Variants in ITPR1 observed in about 807,000 individuals in gnomAD.
The protein encoded by ITPR1 is inositol 1,4,5-trisphosphate receptor type 1.
In ITPR1, 96 loss-of-function variants were observed where a neutral mutation model predicts 318.4. That is an observed-to-expected ratio of 0.30 (90% confidence interval 0.26 to 0.36). ITPR1 has a LOEUF of 0.36. ITPR1 is among the 10% of genes least tolerant of loss of function. The pLI is 1.00. For missense variants in ITPR1, 2,440 were observed against 3,460.2 expected, an observed-to-expected ratio of 0.71 and a Z score of 7.40; for synonymous variants, 1,312 against 1,289.9, an observed-to-expected ratio of 1.02 and a Z score of -0.37.
intron 61 of ITPR1, among the ~76,000 whole-genome samples, chr3:4,841,999 C>A (rs117114678): frequency 6.6e-6 from 1 of 152,184 alleles, no homozygotes; most frequent in African/African-American, 2.4e-5. Flanking sequence ...GTAACCAAGA[C>A]CTTCCTGTAA....
intron 17 of ITPR1, among the ~76,000 whole-genome samples, chr3:4,666,395 T>G (rs1373051718): frequency 6.6e-6 from 1 of 152,218 alleles, no homozygotes; most frequent in South Asian, 2.1e-4. Flanking sequence ...AGAGATTTTA[T>G]TCTGTTCCTC....
At chr3:4,787,000 G>A (rs1470591044) in intron 51 of ITPR1, among the ~76,000 whole-genome samples, 1 of 152,144 alleles carries the variant, frequency 6.6e-6, no homozygotes, top group Non-Finnish European at 1.5e-5. Context: ...TCTCCAACAT[G>A]ATAGTCACTA....
intron 4 of ITPR1, among the ~76,000 whole-genome samples, chr3:4,570,073 C>T (rs1011274115): frequency 6.6e-6 from 1 of 152,056 alleles, no homozygotes; most frequent in Non-Finnish European, 1.5e-5. Flanking sequence ...TACACTCATA[C>T]TTTGAGGCTT....
At chr3:4,676,491 T>G in intron 23 of ITPR1, 123 bp from the exon 24 acceptor site, 1 of 693,366 alleles carries the variant, frequency 1.4e-6, no homozygotes, top group Non-Finnish European at 2.4e-6. Flanking sequence ...TCCAGGGTCC[T>G]GAGATTATGT....
intron 31 of ITPR1, among the ~76,000 whole-genome samples, chr3:4,689,841 G>C (rs758830255): frequency 6.6e-6 from 1 of 152,190 alleles, no homozygotes; most frequent in East Asian, 1.9e-4. Flanking sequence ...AAGAACTTCT[G>C]TTTGTCCGCT....
At chr3:4,780,428 G>T (rs185133692) in intron 49 of ITPR1, among the ~76,000 whole-genome samples, 2 of 152,276 alleles carry the variant, frequency 1.3e-5, no homozygotes, top group Non-Finnish European at 2.9e-5. Flanking sequence ...AGGGGTGATA[G>T]TCACAATTGG....
intron 6 of ITPR1, among the ~76,000 whole-genome samples, chr3:4,640,318 A>G (rs1353777625): frequency 6.6e-6 from 1 of 152,246 alleles, no homozygotes; most frequent in Non-Finnish European, 1.5e-5. Flanking sequence ...AAAGATTAGT[A>G]AAAGCAACCT....
intron 52 of ITPR1, among the ~76,000 whole-genome samples, chr3:4,793,483 G>T (rs924807539): frequency 3.9e-5 from 6 of 152,168 alleles, no homozygotes; most frequent in Admixed American, 1.3e-4. Flanking sequence ...CATCTCTTCT[G>T]TCCTCTTCTG....
intron 4 of ITPR1, among the ~76,000 whole-genome samples, chr3:4,572,312 C>T (rs184610091): frequency 7.8e-4 from 119 of 152,284 alleles, no homozygotes; most frequent in Non-Finnish European, 1.3e-3. Flanking sequence ...TTTGCCTCTC[C>T]CAGTCTTTTC....
intron 4 of ITPR1, among the ~76,000 whole-genome samples, chr3:4,548,102 G>C (rs761387202): frequency 2.0e-5 from 3 of 152,108 alleles, no homozygotes; most frequent in African/African-American, 7.2e-5. Flanking sequence ...GCTCAGCCCA[G>C]GTTTGTTTTT....
intron 25 of ITPR1, 100 bp from the exon 26 acceptor site, chr3:4,681,264 T>G: frequency 1.3e-6 from 1 of 784,152 alleles, no homozygotes; most frequent in African/African-American, 1.7e-5. Context: ...AGATTTGGGG[T>G]TAACTCAACA....
Position 4,539,087 on chromosome 3 carries a change from C to A in ITPR1, c.163+17993C>A, listed in dbSNP as rs144930876. On this transcript the variant is annotated intron_variant, in intron 4 of 61. Coordinates refer to ENST00000649015, the MANE Select transcript of ITPR1 (RefSeq NM_001378452.1). ...ATGAAATAATTATAAACATTGACTT[C>A]AAAAAATTGCCTTAGTTTCTTCCTA... Among the ~76,000 whole-genome samples the A allele has an allele frequency of 3.1e-4, 47 of 152,218 alleles. No individual in the cohort carries two copies. In the East Asian group the frequency reaches 6.9e-3, roughly 22 times the overall value.
At chr3:4,593,575 A>G (rs1048144052) in intron 4 of ITPR1, among the ~76,000 whole-genome samples, 3 of 152,222 alleles carry the variant, frequency 2.0e-5, no homozygotes, top group Admixed American at 6.5e-5. Flanking sequence ...AGAAACATAA[A>G]CTGATAATTA....
At position 4,846,218 on chromosome 3, in the gene ITPR1, C is replaced by A; in HGVS notation, c.8270C>A (p.Pro2757Gln). The change falls in exon 62 of 62, where the codon CCA becomes CAA. Residue 2757 changes from proline (P) to glutamine (Q), a missense_variant. Coordinates refer to ENST00000649015, the MANE Select transcript of ITPR1 (RefSeq NM_001378452.1). ...CACATGAATGTCAACCCACAACAAC[C>A]AGCATAAGCAAATGAAAGAAAGGAA... ...PPHMNVNPQQ[P>Q]A 1 of 1,552,626 alleles carries A rather than the reference C, an allele frequency of 6.4e-7. No homozygotes were observed. Among genetic ancestry groups the A allele is most frequent in the Non-Finnish European group, 8.7e-7 (1 of 1,143,900 alleles).
intron 4 of ITPR1, among the ~76,000 whole-genome samples, chr3:4,617,419 A>G (rs2092429134): frequency 6.6e-6 from 1 of 152,128 alleles, no homozygotes; most frequent in Admixed American, 6.5e-5. Flanking sequence ...GCTGTTCTTC[A>G]TAGGGCAGAA....
At chr3:4,736,037 G>T (rs981472121) in intron 44 of ITPR1, among the ~76,000 whole-genome samples, 1 of 152,062 alleles carries the variant, frequency 6.6e-6, no homozygotes, top group East Asian at 1.9e-4. Context: ...CTTAGAACAT[G>T]AATTTTAATA....
Position 4,711,803 on chromosome 3 carries a change from C to G in ITPR1, c.5038C>G (p.Leu1680Val). 1 of 1,553,676 alleles carries G rather than the reference C, an allele frequency of 6.4e-7. No homozygotes were observed. Among genetic ancestry groups the G allele is most frequent in the Non-Finnish European group, 8.7e-7 (1 of 1,147,576 alleles). ...GCTGCTAGAAGAAAATGAAGAGAAGCTCTGCATTAAGGTCCTACAGACCCT... is the reference window on the plus strand; with the variant it reads ...GCTGCTAGAAGAAAATGAAGAGAAGGTCTGCATTAAGGTCCTACAGACCCT... Reference protein sequence around the residue: ...KQLLEENEEKLCIKVLQTLRE... With the variant: ...KQLLEENEEKVCIKVLQTLRE... Residue 1680 changes from leucine to valine, a missense_variant, in exon 39 of 62, where the codon CTC becomes GTC. Leu to Val is a conservative substitution (Grantham distance 32). Coordinates refer to ENST00000649015, the MANE Select transcript of ITPR1 (RefSeq NM_001378452.1).
intron 19 of ITPR1, 93 bp from the exon 20 acceptor site, chr3:4,670,636 G>C: frequency 1.1e-6 from 1 of 924,774 alleles, no homozygotes; most frequent in Non-Finnish European, 1.7e-6. Context: ...AAAACAAAAA[G>C]TGTCTTTCCA....
chr3:4,586,977 G>A lies in ITPR1; in HGVS notation c.164-40786G>A, dbSNP rs562211247. 5.9e-5 allele frequency among the ~76,000 whole-genome samples: 9 copies of A among 152,158 alleles called. No individual in the cohort carries two copies. The South Asian group carries it at 1.7e-3, about 28-fold the overall frequency. On this transcript the variant is annotated intron_variant, in intron 4 of 61. Transcript: ENST00000649015. ...GGTTCTCTAAGGCATTGATTCCCAA[G>A]CTTGATTGTACTGGGAATCACCCGG...
Sources: allele counts gnomAD v4.1 joint callset (sites outside exome capture counted in the v4.1 genomes callset), GRCh38; gene constraint gnomAD v4.1.1; transcripts MANE v1.5; gene names NCBI Gene and HGNC (gene_info 2026-07-23, HGNC 2026-07-21).